OPRD1: variants seen among roughly 807,000 people sequenced by gnomAD.
OPRD1 encodes opioid receptor delta 1, also known as delta-type opioid receptor.
Under a neutral mutation model 17.5 loss-of-function variants are expected in OPRD1, and 19 were observed. That is an observed-to-expected ratio of 1.09 (90% CI 0.76 to 1.60). OPRD1 has a LOEUF of 1.60. Ranked by LOEUF, OPRD1 falls within the 40% of genes most tolerant of loss-of-function variation. OPRD1 has a pLI of 0.00. For synonymous variants in OPRD1, 256 were observed against 240.9 expected (o/e 1.06, Z -0.58); for missense variants, 483 against 547.2 (o/e 0.88, Z 1.17).
At chr1:28,844,197 G>A (rs2088920504) in intron 1 of OPRD1, among the ~76,000 whole-genome samples, 1 of 146,950 alleles carries the variant, frequency 6.8e-6, no homozygotes, top group Non-Finnish European at 1.5e-5. Context: ...CTTAATAGGT[G>A]TGAAGTGGTA....
chr1:28,821,926 G>A (rs1018457524), intron 1 of OPRD1, among the ~76,000 whole-genome samples: 3 of 151,322 alleles, frequency 2.0e-5, no homozygotes, highest in Non-Finnish European at 4.4e-5. Context: ...TCTTAGACAT[G>A]TGTGTTTGCG....
chr1:28,832,561 G>A (rs1380498972), intron 1 of OPRD1, among the ~76,000 whole-genome samples: 2 of 151,992 alleles, frequency 1.3e-5, no homozygotes, highest in Admixed American at 1.3e-4. Context: ...CGGCTGCAGT[G>A]AGCTGTGATT....
chr1:28,836,665 C>T (rs1345869159), intron 1 of OPRD1, among the ~76,000 whole-genome samples: 1 of 152,110 alleles, frequency 6.6e-6, no homozygotes, highest in African/African-American at 2.4e-5. Flanking sequence ...TTCCAGCTAC[C>T]TCACTTTAAT....
intron 1 of OPRD1, among the ~76,000 whole-genome samples, chr1:28,817,586 CT>C (rs1289864807): frequency 6.6e-6 from 1 of 152,210 alleles, no homozygotes; most frequent in East Asian, 1.9e-4. Flanking sequence ...CCCAGGGCCT[CT>C]GGGCCAGGAG....
intron 1 of OPRD1, among the ~76,000 whole-genome samples, chr1:28,826,020 TG>T (rs2088764875): frequency 6.6e-6 from 1 of 152,072 alleles, no homozygotes; most frequent in East Asian, 1.9e-4. Context: ...GACAGTCTAG[TG>T]GGGAAAAGAT....
chr1:28,848,855 C>T (rs1569639668), intron 1 of OPRD1, among the ~76,000 whole-genome samples: 1 of 152,018 alleles, frequency 6.6e-6, no homozygotes, highest in East Asian at 1.9e-4. Context: ...ATTTGGACCA[C>T]GAGAAACAAC....
chr1:28,859,033 C>A lies in OPRD1; in HGVS notation c.307C>A (p.Pro103Thr), dbSNP rs937990510. 25 of 1,614,066 alleles carry A rather than the reference C, an allele frequency of 1.5e-5. No individual in the cohort carries two copies. The highest frequency in any genetic ancestry group is 2.0e-5 in the Non-Finnish European group (24 of 1,180,054). The change falls in exon 2 of 3, where the codon CCT (proline) becomes ACT (threonine). Residue 103 changes from proline (P) to threonine (T), a missense_variant. Transcript: ENST00000234961. ...LADALATSTL[P>T]FQSAKYLMET... Reference sequence around the variant, plus strand: ...CGATGCGCTGGCCACCAGCACGCTGCCTTTCCAGAGTGCCAAGTACCTGAT... The same window carrying A: ...CGATGCGCTGGCCACCAGCACGCTGACTTTCCAGAGTGCCAAGTACCTGAT...
chr1:28,839,457 G>A (rs1455981710), intron 1 of OPRD1, among the ~76,000 whole-genome samples: 4 of 152,140 alleles, frequency 2.6e-5, no homozygotes, highest in African/African-American at 7.2e-5. Context: ...CTGAGAGCTC[G>A]AACAGCATTT....
rs541368175 is a variant in OPRD1 at position 28,843,297 on chromosome 1, T to A, written c.228-15657T>A. Among the ~76,000 whole-genome samples the A allele has an allele frequency of 3.9e-5, 6 of 152,262 alleles. No homozygotes were observed. In the South Asian group the frequency reaches 1.2e-3, roughly 32 times the overall value. On this transcript the variant is annotated intron_variant, in intron 1 of 2. Transcript: ENST00000234961. ...GATAAAATATACACAACATAAAAAATACCATTGTAACCATTTTTAAGGGTG... is the reference window on the plus strand; with the variant it reads ...GATAAAATATACACAACATAAAAAAAACCATTGTAACCATTTTTAAGGGTG...
chr1:28,820,629 C>A (rs1345933675), intron 1 of OPRD1, among the ~76,000 whole-genome samples: 2 of 151,872 alleles, frequency 1.3e-5, no homozygotes, highest in Non-Finnish European at 2.9e-5. Context: ...AGTTCGAGAC[C>A]AGCCCGAACA....
chr1:28,812,567 G>A lies in OPRD1; in HGVS notation c.184G>A (p.Val62Met), dbSNP rs1162968068. 2.5e-6 allele frequency: 4 copies of A among 1,576,220 alleles called. No homozygotes were observed. The South Asian group carries it at 4.5e-5, about 18-fold the overall frequency. ...CGCGCTCTACTCGGCCGTGTGCGCCGTGGGGCTGCTGGGCAACGTGCTTGT... is the reference window on the plus strand; with the variant it reads ...CGCGCTCTACTCGGCCGTGTGCGCCATGGGGCTGCTGGGCAACGTGCTTGT... ...ITALYSAVCAVGLLGNVLVMF... is the reference protein window; with the variant it reads ...ITALYSAVCAMGLLGNVLVMF... The change falls in exon 1 of 3, where the codon GTG becomes ATG. Residue 62 changes from valine to methionine, a missense_variant. Transcript: ENST00000234961.
chr1:28,813,149 G>A (rs531760268), intron 1 of OPRD1, among the ~76,000 whole-genome samples: 2 of 152,298 alleles, frequency 1.3e-5, no homozygotes, highest in East Asian at 1.9e-4. Context: ...TGTCCCTAAC[G>A]GTCAGTTTGT....
At chr1:28,823,383 G>GTTTATTTATTTATTTATTTATTTA (rs143622810) in intron 1 of OPRD1, among the ~76,000 whole-genome samples, 16 of 139,626 alleles carry the variant, frequency 1.1e-4, no homozygotes, top group African/African-American at 3.0e-4. Flanking sequence ...AATTTTATTT[G>GTTTATTTATTTATTTATTTATTTA]TTTGTTTATT....
At chr1:28,834,166 C>T (rs1202898758) in intron 1 of OPRD1, among the ~76,000 whole-genome samples, 1 of 151,684 alleles carries the variant, frequency 6.6e-6, no homozygotes, top group Non-Finnish European at 1.5e-5. Context: ...CCCACCTCGG[C>T]CTCCCAAAGT....
Position 28,864,709 on chromosome 1 carries a change from C to T in OPRD1, c.*1426C>T, listed in dbSNP as rs980450027. On this transcript the variant is annotated 3_prime_UTR_variant, in exon 3 of 3. Transcript: ENST00000234961. ...CCAGATACTGGAGGACAGAGGACCA[C>T]CTACTTAGATCCCGTAGATGGTAAG... is the stretch of plus-strand genomic sequence containing the variant. 7.4e-6 allele frequency: 1 copy of T among 135,914 alleles called. No homozygotes were observed. Among genetic ancestry groups the T allele is most frequent in the East Asian group, 2.2e-4 (1 of 4,540 alleles). 8.4% of individuals were successfully genotyped at this position (135,914 alleles called of 1,614,324 possible).
intron 2 of OPRD1, among the ~76,000 whole-genome samples, chr1:28,862,429 C>G (rs1457877024): frequency 1.3e-5 from 2 of 152,178 alleles, no homozygotes; most frequent in Non-Finnish European, 2.9e-5. Flanking sequence ...ACTGCAATGA[C>G]TGGCATTCAG....
In OPRD1 at chr1:28,824,584, C is replaced by A. The variant is rs1328655562; in HGVS notation, c.227+11974C>A. ...CCGCCCGCCTCGGCCTCCCAAAGTG[C>A]TGGGATTACAGGCGTGAGCCACTGT... is the stretch of plus-strand genomic sequence containing the variant. On this transcript the variant is annotated intron_variant, in intron 1 of 2. Coordinates refer to ENST00000234961, the MANE Select transcript of OPRD1 (RefSeq NM_000911.4). Among the ~76,000 whole-genome samples the A allele has an allele frequency of 3.9e-5, 6 of 151,918 alleles. No individual in the cohort carries two copies. The South Asian group carries it at 1.0e-3, about 26-fold the overall frequency.
At chr1:28,822,306 G>A (rs1045352494) in intron 1 of OPRD1, among the ~76,000 whole-genome samples, 1 of 152,052 alleles carries the variant, frequency 6.6e-6, no homozygotes, top group Non-Finnish European at 1.5e-5. Context: ...GAAGGTACGG[G>A]CTGCTGTGTA....
rs204065 is a variant in OPRD1 at position 28,869,428 on chromosome 1, C to A, written c.*6145C>A. ...CCCAGCACCATCACCGGGGATGAGC[C>A]GTTTCAGAGTGTGGCACTCTGTCAC... is the stretch of plus-strand genomic sequence containing the variant. On this transcript the variant is annotated 3_prime_UTR_variant, in exon 3 of 3. Transcript: ENST00000234961. 1 of 152,030 alleles carries A rather than the reference C, an allele frequency of 6.6e-6. No homozygotes were observed. The allele number at this position is 152,030 out of a possible 1,614,324, so 9.4% of individuals were successfully genotyped here. A position where few individuals can be genotyped will look rare whatever the true frequency, so the allele number is the denominator to read the frequency against.
Sources: allele counts gnomAD v4.1 joint callset (sites outside exome capture counted in the v4.1 genomes callset), GRCh38; gene constraint gnomAD v4.1.1; transcripts MANE v1.5; gene names NCBI Gene and HGNC (gene_info 2026-07-23, HGNC 2026-07-21).